AP1S3: variants seen among roughly 807,000 people sequenced by gnomAD.
AP1S3 encodes AP-1 complex subunit sigma-3.
Under a neutral mutation model 20.9 loss-of-function variants are expected in AP1S3, and 10 were observed. That is an observed-to-expected ratio of 0.48 (90% CI 0.29 to 0.81). The LOEUF (loss-of-function observed/expected upper bound fraction) is 0.81, where lower values mean the gene tolerates loss of function less well. Ranked by LOEUF, AP1S3 falls within the 30% of genes least tolerant of loss-of-function variation. The pLI, the probability that AP1S3 is intolerant of heterozygous loss-of-function variation, is 0.08. For synonymous variants in AP1S3, 41 were observed against 61.5 expected (o/e 0.67, Z 1.56); for missense variants, 154 against 183.8 (o/e 0.84, Z 0.94).
At chr2:223,814,524 T>A (rs1273093166) in intron 1 of AP1S3, among the ~76,000 whole-genome samples, 1 of 152,130 alleles carries the variant, frequency 6.6e-6, no homozygotes, top group African/African-American at 2.4e-5. Flanking sequence ...TTCCTGGCCC[T>A]CCAGGACAAA....
chr2:223,808,244 C>A (rs751635707), intron 1 of AP1S3, among the ~76,000 whole-genome samples: 1 of 152,132 alleles, frequency 6.6e-6, no homozygotes, highest in Non-Finnish European at 1.5e-5. Context: ...CAAGGTTCAA[C>A]GAGAACCCTA....
chr2:223,772,700 G>A (rs1044400505), intron 3 of AP1S3, among the ~76,000 whole-genome samples: 4 of 152,088 alleles, frequency 2.6e-5, no homozygotes, highest in Admixed American at 6.6e-5. Flanking sequence ...ATTTTGATCC[G>A]TCTGTCTTCA....
At position 223,759,498 on chromosome 2, in the gene AP1S3, A is replaced by G. The variant is rs57432026; in HGVS notation, c.430-748T>C. ...TTATTATACATATTGTCAAGACAAA[A>G]AAGATAAACAGACCAAAATTCTTAA... On this transcript the variant is annotated intron_variant, in intron 4 of 4. Transcript: ENST00000396654. 6.5e-3 allele frequency among the ~76,000 whole-genome samples: 992 copies of G among 152,322 alleles called. 15 individuals are homozygous for G. The highest frequency in any genetic ancestry group is 0.022 in the African/African-American group (931 of 41,558).
intron 1 of AP1S3, among the ~76,000 whole-genome samples, chr2:223,814,378 G>A (rs891050269): frequency 6.6e-6 from 1 of 152,084 alleles, no homozygotes; most frequent in Non-Finnish European, 1.5e-5. Flanking sequence ...GTTCATAGCC[G>A]GCAGCCTCAG....
At chr2:223,775,457 C>G (rs145034736) in intron 3 of AP1S3, among the ~76,000 whole-genome samples, 334 of 152,266 alleles carry the variant, frequency 2.2e-3, no homozygotes, top group Non-Finnish European at 3.4e-3. Context: ...AACAGAATAT[C>G]AAGAAATCCT....
intron 3 of AP1S3, among the ~76,000 whole-genome samples, chr2:223,772,333 G>C (rs946421624): frequency 2.6e-5 from 4 of 152,048 alleles, no homozygotes; most frequent in African/African-American, 4.8e-5. Context: ...ATTGGTGAGA[G>C]AGTGAGCCTA....
At chr2:223,827,179 G>A (rs6746917) in intron 1 of AP1S3, among the ~76,000 whole-genome samples, 48,884 of 151,916 alleles carry the variant, frequency 0.32, 8,277 homozygotes, top group Middle Eastern at 0.42. Flanking sequence ...ATCGTGAGAC[G>A]GAATGGACTT....
intron 4 of AP1S3, among the ~76,000 whole-genome samples, chr2:223,759,609 C>T (rs1304028048): frequency 6.6e-6 from 1 of 152,128 alleles, no homozygotes; most frequent in Non-Finnish European, 1.5e-5. Context: ...CCAAAGTATA[C>T]AAATTATGTT....
Position 223,796,896 on chromosome 2 carries a change from T to C in AP1S3, c.4-19027A>G, listed in dbSNP as rs552643545. On this transcript the variant is annotated intron_variant, in intron 1 of 4. Coordinates refer to ENST00000396654, the MANE Select transcript of AP1S3 (RefSeq NM_001039569.2). Reference sequence around the variant, plus strand: ...CCAGGCTGATCTTGAACTCCTGACCTCAGGTGATCCACCGACCTCGGCCTC... The same window carrying C: ...CCAGGCTGATCTTGAACTCCTGACCCCAGGTGATCCACCGACCTCGGCCTC... Among the ~76,000 whole-genome samples, 30 of 152,168 alleles carry C rather than the reference T, an allele frequency of 2.0e-4. 1 individual carries two copies. Among genetic ancestry groups the C allele is most frequent in the Admixed American group, 2.0e-3 (30 of 15,280 alleles).
chr2:223,813,072 C>A (rs544362822), intron 1 of AP1S3, among the ~76,000 whole-genome samples: 1 of 151,966 alleles, frequency 6.6e-6, no homozygotes, highest in Admixed American at 6.6e-5. Flanking sequence ...AGGATTATAG[C>A]CGTGTGCCAC....
intron 1 of AP1S3, among the ~76,000 whole-genome samples, chr2:223,833,176 A>G (rs1036009193): frequency 6.7e-4 from 76 of 112,810 alleles, no homozygotes; most frequent in African/African-American, 2.3e-3. Flanking sequence ...GCTTTTATTA[A>G]AAGTACCCCC....
intron 1 of AP1S3, among the ~76,000 whole-genome samples, chr2:223,822,892 A>G (rs1692024607): frequency 6.6e-6 from 1 of 151,622 alleles, no homozygotes; most frequent in African/African-American, 2.4e-5. Flanking sequence ...CTCAATAGCA[A>G]AAAAACAACC....
At chr2:223,833,207 G>C (rs1692316650) in intron 1 of AP1S3, among the ~76,000 whole-genome samples, 1 of 151,756 alleles carries the variant, frequency 6.6e-6, no homozygotes, top group Non-Finnish European at 1.5e-5. Flanking sequence ...AAATGTCACT[G>C]TATACATCCC....
At chr2:223,760,958 C>T (rs1690340986) in intron 4 of AP1S3, among the ~76,000 whole-genome samples, 2 of 152,146 alleles carry the variant, frequency 1.3e-5, no homozygotes, top group African/African-American at 4.8e-5. Flanking sequence ...CTGGAGTTGA[C>T]ACTTTCCTGT....
Position 223,776,105 on chromosome 2 carries a change from C to T in AP1S3, c.183-96G>A, listed in dbSNP as rs536897525. The T allele has an allele frequency of 2.8e-4, 228 of 821,494 alleles. 3 individuals carry two copies. Among genetic ancestry groups the T allele is most frequent in the Admixed American group, 4.6e-4 (23 of 50,058 alleles). The allele number at this position is 821,494 out of a possible 1,614,324, so 50.9% of individuals were successfully genotyped here. A position where few individuals can be genotyped will look rare whatever the true frequency, so the allele number is the denominator to read the frequency against. The stretch of plus-strand genomic sequence containing the variant: ...AATATGCAGTCACCTCCTCCCCCGC[C>T]GAGCCTCTCCTCATCCAAGAATGAA... On this transcript the variant is annotated intron_variant, in intron 2 of 4. Transcript: ENST00000396654.
chr2:223,771,991 C>T (rs1465501715), intron 3 of AP1S3, among the ~76,000 whole-genome samples: 5 of 152,142 alleles, frequency 3.3e-5, no homozygotes, highest in Non-Finnish European at 5.9e-5. Context: ...CCTGTAATCC[C>T]AGCTACTAGG....
chr2:223,799,457 A>G (rs925366860), intron 1 of AP1S3, among the ~76,000 whole-genome samples: 72 of 152,216 alleles, frequency 4.7e-4, no homozygotes, highest in African/African-American at 1.7e-3. Context: ...CACCCAGCTC[A>G]TGGTACTTCC....
rs1559279532 is a variant in AP1S3, at chr2:223,777,739, C to T, written c.134G>A (p.Arg45Lys). The T allele has an allele frequency of 6.2e-7, 1 of 1,614,126 alleles. No individual in the cohort carries two copies. Among genetic ancestry groups the T allele is most frequent in the Non-Finnish European group, 8.5e-7 (1 of 1,180,012 alleles). ...CTTCCAGTCAACAAAACTGCTTGTC[C>T]TGTGACCACGGGAGAGAATAATCTG... is the stretch of plus-strand genomic sequence containing the variant. ...IVQIILSRGH[R>K]TSSFVDWKEL... The change falls in exon 2 of 5, where the codon AGG (arginine) becomes AAG (lysine). Residue 45 changes from arginine to lysine, a missense_variant. Coordinates refer to ENST00000396654, the MANE Select transcript of AP1S3 (RefSeq NM_001039569.2).
At chr2:223,779,092 T>A (rs372562693) in intron 1 of AP1S3, among the ~76,000 whole-genome samples, 1 of 152,222 alleles carries the variant, frequency 6.6e-6, no homozygotes, top group Non-Finnish European at 1.5e-5. Flanking sequence ...GGCATCACCA[T>A]AGACTCTTAA....
Sources: gnomAD v4.1 joint callset for allele counts (sites outside exome capture counted in the v4.1 genomes callset) on GRCh38, gnomAD v4.1.1 for gene constraint, MANE v1.5 for transcripts, NCBI Gene and HGNC (gene_info 2026-07-23, HGNC 2026-07-21) for gene names.